The following HTD2 variants were observed in gnomAD, a reference collection of about 807,000 sequenced individuals.
HTD2 encodes the protein hydroxyacyl-thioester dehydratase type 2, mitochondrial.
In HTD2, 1 loss-of-function variant was observed where a neutral mutation model predicts 3.1. The ratio of observed to expected loss-of-function variants is 0.32; its 90% confidence interval spans 0.11 to 1.52. The LOEUF is 1.52. HTD2 is among the 40% of genes most tolerant of loss of function. The probability of loss-of-function intolerance (pLI) is 0.39; values close to 1 mark genes in which losing one functional copy is unlikely to be tolerated. For synonymous variants in HTD2, 50 were observed against 28.9 expected (o/e 1.73, Z -2.34); for missense variants, 150 against 79.6 (o/e 1.88, Z -3.36).
chr3:58,309,131 C>T (rs935774718), intron 1 of HTD2, among the ~76,000 whole-genome samples: 2 of 152,196 alleles, frequency 1.3e-5, no homozygotes, highest in East Asian at 1.9e-4. Context: ...TGGGAGGAGA[C>T]GGCAGAACGA....
rs371177061 is a variant in HTD2, at chr3:58,317,673, T to C, written c.60T>C (p.Cys20=). ...GGGGTGGGCTTCGGAGGACAGTCTG[T>C]CTGAACCTGCCAGTGCTGACCCTGC... The part of the protein sequence containing the change: ...LWWGGLRRTV[C]LNLPVLTLQH... The change falls in exon 5 of 5, where the codon TGT becomes TGC. Residue 20 remains cysteine, a synonymous_variant. Transcript: ENST00000461393. 12 of 706,350 alleles carry C rather than the reference T, an allele frequency of 1.7e-5. No homozygotes were observed. The African/African-American group carries it at 1.7e-4, about 10-fold the overall frequency. 43.8% of individuals were successfully genotyped at this position (706,350 alleles called of 1,614,324 possible). A position where few individuals can be genotyped will look rare whatever the true frequency, so the allele number is the denominator to read the frequency against.
chr3:58,309,690 G>C (rs1226492337), intron 1 of HTD2, among the ~76,000 whole-genome samples: 1 of 152,124 alleles, frequency 6.6e-6, no homozygotes, highest in Non-Finnish European at 1.5e-5. Flanking sequence ...AGGAGTTCGA[G>C]ACCAGCCTGA....
chr3:58,309,721 C>G (rs545455268), intron 1 of HTD2, among the ~76,000 whole-genome samples: 1 of 152,116 alleles, frequency 6.6e-6, no homozygotes, highest in Non-Finnish European at 1.5e-5. Flanking sequence ...GAAACCCTGT[C>G]TCTACTAAAA....
At chr3:58,317,090 A>G in intron 4 of HTD2, 97 bp downstream of exon 4, 2 of 879,960 alleles carry the variant, frequency 2.3e-6, no homozygotes, top group Non-Finnish European at 1.8e-6. Flanking sequence ...CATAAATGTA[A>G]TATGGTTAAA....
chr3:58,310,979 A>T (rs13093235), intron 2 of HTD2, among the ~76,000 whole-genome samples: 45,259 of 150,668 alleles, frequency 0.3, 8,650 homozygotes, highest in East Asian at 0.81. Flanking sequence ...AAAAAAAAAA[A>T]AATAAATTAT....
chr3:58,312,689 A>C (rs2107504223), intron 2 of HTD2, among the ~76,000 whole-genome samples: 1 of 152,246 alleles, frequency 6.6e-6, no homozygotes, highest in South Asian at 2.1e-4. Flanking sequence ...GGCCAGGCGC[A>C]GTGGCTCACT....
chr3:58,314,634 A>G (rs1469120966), intron 2 of HTD2, among the ~76,000 whole-genome samples: 1 of 148,872 alleles, frequency 6.7e-6, no homozygotes, highest in African/African-American at 2.5e-5. Context: ...TACAGTGAGT[A>G]TGTAAAATGG....
chr3:58,317,343 A>C, intron 4 of HTD2, 97 bp from the exon 5 acceptor site: 1 of 788,638 alleles, frequency 1.3e-6, no homozygotes, highest in Non-Finnish European at 2.1e-6. Flanking sequence ...CTCCTGCATC[A>C]GCTTTGTTTA....
At chr3:58,314,798 T>C (rs2097486606) in intron 2 of HTD2, among the ~76,000 whole-genome samples, 1 of 149,484 alleles carries the variant, frequency 6.7e-6, no homozygotes, top group Non-Finnish European at 1.5e-5. Context: ...GATTCTCCTG[T>C]CTCAGCCTCC....
intron 2 of HTD2, among the ~76,000 whole-genome samples, chr3:58,313,518 A>G (rs1265185125): frequency 6.6e-6 from 1 of 152,190 alleles, no homozygotes; most frequent in African/African-American, 2.4e-5. Flanking sequence ...TTACTCTGCA[A>G]AAGACTCTTA....
intron 1 of HTD2, among the ~76,000 whole-genome samples, chr3:58,307,049 A>C (rs1182946753): frequency 6.6e-6 from 1 of 152,138 alleles, no homozygotes; most frequent in African/African-American, 2.4e-5. Flanking sequence ...GGCTGCCTGG[A>C]GGAAGATCTT....
At chr3:58,311,310 A>G (rs987485464) in intron 2 of HTD2, among the ~76,000 whole-genome samples, 16 of 152,156 alleles carry the variant, frequency 1.1e-4, no homozygotes, top group Non-Finnish European at 2.1e-4. Flanking sequence ...ACACGCTACC[A>G]TGCCCAACTA....
intron 4 of HTD2, 56 bp downstream of exon 4, chr3:58,317,049 T>G (rs2097489044): frequency 4.1e-6 from 5 of 1,224,448 alleles, no homozygotes; most frequent in Non-Finnish European, 6.0e-6. Flanking sequence ...GTCAACTGCT[T>G]CTTAATATAC....
At chr3:58,312,052 G>A (rs35955376) in intron 2 of HTD2, among the ~76,000 whole-genome samples, 54,976 of 151,172 alleles carry the variant, frequency 0.36, 10,785 homozygotes, top group East Asian at 0.81. Flanking sequence ...ACTTGTAGAG[G>A]CAAGGTCTCA....
At position 58,317,300 on chromosome 3, in the gene HTD2, C is replaced by T. The variant is rs148847518; in HGVS notation, c.-174-140C>T. 271 of 628,580 alleles carry T rather than the reference C, an allele frequency of 4.3e-4. No homozygotes were observed. In the African/African-American group the frequency reaches 4.3e-3, roughly 10 times the overall value. 38.9% of individuals were successfully genotyped at this position (628,580 alleles called of 1,614,324 possible). On this transcript the variant is annotated intron_variant, in intron 4 of 4. Transcript: ENST00000461393. ...TTTTTGAGATGTGACCACTTGTTAT[C>T]GAAGGCTTCCTCTCAGGATGCTCTG...
intron 2 of HTD2, 87 bp downstream of exon 2, chr3:58,310,678 A>C (rs1354697699): frequency 8.7e-7 from 1 of 1,148,090 alleles, no homozygotes; most frequent in Non-Finnish European, 1.3e-6. Flanking sequence ...CACGCCTGTA[A>C]TCCCAGCACT....
chr3:58,314,673 G>A (rs2097486293), intron 2 of HTD2, among the ~76,000 whole-genome samples: 1 of 106,706 alleles, frequency 9.4e-6, no homozygotes, highest in Non-Finnish European at 1.9e-5. Context: ...TAGTTTGGCA[G>A]TATTTTTTTT....
chr3:58,310,823 G>C (rs547888820), intron 2 of HTD2, among the ~76,000 whole-genome samples: 3 of 151,570 alleles, frequency 2.0e-5, no homozygotes, highest in Non-Finnish European at 4.4e-5. Flanking sequence ...CCAGCTACTC[G>C]GGAGGCTGAG....
chr3:58,311,666 T>G (rs2097482370), intron 2 of HTD2, among the ~76,000 whole-genome samples: 1 of 134,376 alleles, frequency 7.4e-6, no homozygotes, highest in African/African-American at 2.7e-5. Context: ...AGTTCTACAT[T>G]TTGCCTATTG....
Sources: allele counts gnomAD v4.1 joint callset (sites outside exome capture counted in the v4.1 genomes callset), GRCh38; gene constraint gnomAD v4.1.1; transcripts MANE v1.5; gene names NCBI Gene and HGNC (gene_info 2026-07-23, HGNC 2026-07-21).